The following PARD6B variants were observed in gnomAD, a reference collection of about 807,000 sequenced individuals.
PARD6B encodes par-6 family cell polarity regulator beta, also known as partitioning defective 6 homolog beta.
Under a neutral mutation model 10.5 loss-of-function variants are expected in PARD6B, and 4 were observed. The ratio of observed to expected loss-of-function variants is 0.38; its 90% CI spans 0.19 to 0.87. The LOEUF (loss-of-function observed/expected upper bound fraction) is 0.87. PARD6B is among the 40% of genes least tolerant of loss of function. The pLI, the probability that PARD6B is intolerant of heterozygous loss-of-function variation, is 0.41. For synonymous variants in PARD6B, 169 were observed against 170.4 expected, an observed-to-expected ratio of 0.99 and a Z score of 0.07; for missense variants, 396 against 470.6, an observed-to-expected ratio of 0.84 and a Z score of 1.47.
At position 50,737,221 on chromosome 20, in the gene PARD6B, G is replaced by A. The variant is rs983706171; in HGVS notation, c.67-636G>A. 7.2e-5 allele frequency among the ~76,000 whole-genome samples: 11 copies of A among 152,260 alleles called. No homozygotes were observed. In the South Asian group the frequency reaches 1.0e-3, roughly 14 times the overall value. On this transcript the variant is annotated intron_variant, in intron 1 of 2. Transcript: ENST00000371610. ...GGTGAGCTTCTGGAGCAGGCTCGAG[G>A]CTTTCAATCTCTAGGGCCTAGCACT...
intron 1 of PARD6B, among the ~76,000 whole-genome samples, chr20:50,733,834 G>T (rs1433838968): frequency 6.6e-6 from 1 of 152,156 alleles, no homozygotes; most frequent in African/African-American, 2.4e-5. Flanking sequence ...AGAAAAAAAT[G>T]AGTAGGAATT....
At chr20:50,739,632 C>T (rs2087519870) in intron 2 of PARD6B, among the ~76,000 whole-genome samples, 1 of 152,124 alleles carries the variant, frequency 6.6e-6, no homozygotes, top group South Asian at 2.1e-4. Flanking sequence ...CAAGGATAAC[C>T]TCTGCCTATA....
intron 1 of PARD6B, among the ~76,000 whole-genome samples, chr20:50,732,110 G>T (rs1261089670): frequency 6.6e-6 from 1 of 152,246 alleles, no homozygotes; most frequent in Non-Finnish European, 1.5e-5. Flanking sequence ...TCTCATTCCC[G>T]TGTTCACGGA....
At chr20:50,734,327 T>A (rs1230865690) in intron 1 of PARD6B, among the ~76,000 whole-genome samples, 1 of 152,038 alleles carries the variant, frequency 6.6e-6, no homozygotes, top group South Asian at 2.1e-4. Flanking sequence ...TAAGAGTTTA[T>A]AACCAAAACT....
Position 50,751,597 on chromosome 20 carries a change from C to T in PARD6B, c.*1109C>T, listed in dbSNP as rs959852062. On this transcript the variant is annotated 3_prime_UTR_variant, in exon 3 of 3. Transcript: ENST00000371610. ...TCCTGACCTCCTGATCCGCCCGCCT[C>T]GGCCTCCCAAAGTGCTGGGATTACA... The T allele has an allele frequency of 2.0e-5, 19 of 973,590 alleles. No homozygotes were observed. The highest frequency in any genetic ancestry group is 1.2e-4 in the Admixed American group (2 of 16,204). The allele number at this position is 973,590 out of a possible 1,614,324, so 60.3% of individuals were successfully genotyped here. A position where few individuals can be genotyped will look rare whatever the true frequency, so the allele number is the denominator to read the frequency against.
chr20:50,731,863 C>A lies in PARD6B; in HGVS notation c.66+11C>A. ...GAGGTGAAGAGCAAGGTGCGCGGGGCCCGGGCTGGGCGGAGCGGCGGGCCT... is the reference window on the plus strand; with the variant it reads ...GAGGTGAAGAGCAAGGTGCGCGGGGACCGGGCTGGGCGGAGCGGCGGGCCT... On this transcript the variant is annotated intron_variant, in intron 1 of 2. Coordinates refer to ENST00000371610, the MANE Select transcript of PARD6B (RefSeq NM_032521.3). 1 of 1,444,278 alleles carries A rather than the reference C, an allele frequency of 6.9e-7. No homozygotes were observed. The highest frequency in any genetic ancestry group is 2.6e-5 in the Admixed American group (1 of 38,954). 89.5% of individuals were successfully genotyped at this position (1,444,278 alleles called of 1,614,324 possible).
chr20:50,752,078 A>G lies in PARD6B; in HGVS notation c.*1590A>G. ...TCCTTCCTATAGCTTTCATATTTTC[A>G]AATTAATTCTGTATGGCTATATAAT... On this transcript the variant is annotated 3_prime_UTR_variant, in exon 3 of 3. Coordinates refer to ENST00000371610, the MANE Select transcript of PARD6B (RefSeq NM_032521.3). 1 of 985,258 alleles carries G rather than the reference A, an allele frequency of 1.0e-6. No homozygotes were observed. The highest frequency in any genetic ancestry group is 1.2e-6 in the Non-Finnish European group (1 of 829,666). 61.0% of individuals were successfully genotyped at this position (985,258 alleles called of 1,614,324 possible).
chr20:50,733,077 CTG>C (rs2087480983), intron 1 of PARD6B, among the ~76,000 whole-genome samples: 1 of 152,164 alleles, frequency 6.6e-6, no homozygotes, highest in Admixed American at 6.5e-5. Context: ...GTTTCTGTAA[CTG>C]AGAATCACAT....
In PARD6B at chr20:50,752,866, CGTT is replaced by C. The variant is rs1253877920; in HGVS notation, c.*2381_*2383del. The C allele has an allele frequency of 1.0e-6, 1 of 981,636 alleles. No individual in the cohort carries two copies. Among genetic ancestry groups the C allele is most frequent in the African/African-American group, 1.8e-5 (1 of 57,112 alleles). 60.8% of individuals were successfully genotyped at this position (981,636 alleles called of 1,614,324 possible). ...TTAACTGACTGCACATTATGTAATA[CGTT>C]GTACTTTTTGTTGAATTCACCGAAG... On this transcript the variant is annotated 3_prime_UTR_variant, in exon 3 of 3. Coordinates refer to ENST00000371610, the MANE Select transcript of PARD6B (RefSeq NM_032521.3).
At chr20:50,732,488 A>G (rs2087477205) in intron 1 of PARD6B, among the ~76,000 whole-genome samples, 1 of 152,144 alleles carries the variant, frequency 6.6e-6, no homozygotes, top group African/African-American at 2.4e-5. Context: ...TTTCCCCTTG[A>G]CCAACGGTAT....
At chr20:50,732,720 A>C (rs1341728443) in intron 1 of PARD6B, among the ~76,000 whole-genome samples, 1 of 152,194 alleles carries the variant, frequency 6.6e-6, no homozygotes. Context: ...ATTCTCTGAG[A>C]AGACTGAGGC....
chr20:50,752,569 T>C lies in PARD6B; in HGVS notation c.*2081T>C. Reference sequence around the variant, plus strand: ...ACAAGCACAATGGTATGCTTGTATATAGAAACTAAAAATACTATGAAGTAC... The same window carrying C: ...ACAAGCACAATGGTATGCTTGTATACAGAAACTAAAAATACTATGAAGTAC... On this transcript the variant is annotated 3_prime_UTR_variant, in exon 3 of 3. Transcript: ENST00000371610. The C allele has an allele frequency of 6.1e-6, 6 of 984,372 alleles. No homozygotes were observed. The highest frequency in any genetic ancestry group is 7.2e-6 in the Non-Finnish European group (6 of 828,708). 61.0% of individuals were successfully genotyped at this position (984,372 alleles called of 1,614,324 possible).
intron 2 of PARD6B, among the ~76,000 whole-genome samples, chr20:50,738,604 C>T (rs80076504): frequency 6.6e-6 from 1 of 152,162 alleles, no homozygotes; most frequent in Non-Finnish European, 1.5e-5. Flanking sequence ...ATTAAATGAG[C>T]TAAGTGCAGT....
At position 50,750,352 on chromosome 20, in the gene PARD6B, AG is replaced by A; in HGVS notation, c.984del (p.Glu328AspfsTer13). On this transcript the variant is annotated frameshift_variant, in exon 3 of 3. Transcript: ENST00000371610. LOFTEE classifies it low-confidence loss of function (END_TRUNC). ...TTAACACAGATAGAGCTAAGCTTTG[AG>A]TCTGGACAGAATGGCTTTATTCCCT... ...ESLTQIELSF[E>X]SGQNGFIPSN... 6.2e-7 allele frequency: 1 copy of A among 1,614,242 alleles called. No homozygotes were observed. Among genetic ancestry groups the A allele is most frequent in the Non-Finnish European group, 8.5e-7 (1 of 1,180,038 alleles).
At position 50,748,697 on chromosome 20, in the gene PARD6B, A is replaced by AT. The variant is rs973269502; in HGVS notation, c.290-953dup. ...AGACGCTACCTACCACACCTGGCTA[A>AT]TTTTTTTTTACTTTTCATAAAGACA... On this transcript the variant is annotated intron_variant, in intron 2 of 2. Transcript: ENST00000371610. Among the ~76,000 whole-genome samples the AT allele has an allele frequency of 1.8e-4, 28 of 151,536 alleles. No homozygotes were observed. In the East Asian group the frequency reaches 2.3e-3, roughly 13 times the overall value.
chr20:50,736,880 T>C (rs1205683399), intron 1 of PARD6B, among the ~76,000 whole-genome samples: 1 of 152,142 alleles, frequency 6.6e-6, no homozygotes, highest in Non-Finnish European at 1.5e-5. Context: ...TTTGTATTTT[T>C]AGTAGAGACG....
intron 2 of PARD6B, among the ~76,000 whole-genome samples, chr20:50,745,038 G>A (rs1418924859): frequency 1.3e-5 from 2 of 152,210 alleles, no homozygotes; most frequent in South Asian, 2.1e-4. Flanking sequence ...GTCAGTGTTC[G>A]TTAAATATTT....
At chr20:50,736,520 A>G (rs1008700888) in intron 1 of PARD6B, among the ~76,000 whole-genome samples, 2 of 152,194 alleles carry the variant, frequency 1.3e-5, no homozygotes, top group African/African-American at 4.8e-5. Flanking sequence ...CTCCGCAGTG[A>G]TTCCCAAGAG....
chr20:50,747,524 G>C (rs2087575367), intron 2 of PARD6B, among the ~76,000 whole-genome samples: 1 of 90,894 alleles, frequency 1.1e-5, no homozygotes, highest in African/African-American at 4.3e-5. Context: ...CCTAGCCACT[G>C]GAAAACCAGG....
Sources: allele counts gnomAD v4.1 joint callset (sites outside exome capture counted in the v4.1 genomes callset), GRCh38; gene constraint gnomAD v4.1.1; transcripts MANE v1.5; gene names NCBI Gene and HGNC (gene_info 2026-07-23, HGNC 2026-07-21).